PLEKHD1: variants seen among roughly 807,000 people sequenced by gnomAD.
PLEKHD1 encodes the protein pleckstrin homology domain-containing family D member 1.
In PLEKHD1, 51 loss-of-function variants were observed where a neutral mutation model predicts 69.2. The ratio of observed to expected loss-of-function variants is 0.74; its 90% CI spans 0.59 to 0.93. The LOEUF (loss-of-function observed/expected upper bound fraction) is 0.93, where lower values mean the gene tolerates loss of function less well. Among genes scored for constraint, PLEKHD1 ranks in the 40% least tolerant of loss-of-function variants. The pLI is 0.00. For missense variants in PLEKHD1, 584 were observed against 641.0 expected, an observed-to-expected ratio of 0.91 and a Z score of 0.96; for synonymous variants, 236 against 244.7, an observed-to-expected ratio of 0.96 and a Z score of 0.33.
chr14:69,471,199 G>A, the PLEKHD1 span, among the ~76,000 whole-genome samples: 24 of 143,552 alleles, frequency 1.7e-4, 1 homozygote, highest in Non-Finnish European at 3.6e-4. Flanking sequence ...CCTCTACTCC[G>A]GGCTCAAGCA....
At chr14:69,488,123 A>C (rs886906038) in intron 1 of PLEKHD1, among the ~76,000 whole-genome samples, 3 of 152,148 alleles carry the variant, frequency 2.0e-5, no homozygotes, top group Admixed American at 6.5e-5. Context: ...TGGGTCCCTG[A>C]CTTAGGGAGC....
chr14:69,501,089 G>T (rs2139505938), intron 4 of PLEKHD1, 142 bp downstream of exon 4: 1 of 846,778 alleles, frequency 1.2e-6, no homozygotes, highest in East Asian at 2.7e-5. Context: ...GGGGAGAGCA[G>T]ACAGGCCAGG....
At chr14:69,499,714 G>A (rs1235838689) in intron 1 of PLEKHD1, among the ~76,000 whole-genome samples, 2 of 152,224 alleles carry the variant, frequency 1.3e-5, no homozygotes, top group East Asian at 3.8e-4. Flanking sequence ...ACCCATCTTA[G>A]CATCTTGCAT....
intron 1 of PLEKHD1, among the ~76,000 whole-genome samples, chr14:69,490,374 G>A (rs1008274486): frequency 2.0e-5 from 3 of 152,202 alleles, no homozygotes; most frequent in African/African-American, 7.2e-5. Context: ...CCGCTGATCT[G>A]ACAGGAGGCG....
rs1362220842 is a variant in PLEKHD1 at position 69,485,121 on chromosome 14, G to T, written c.149+7G>T. The T allele has an allele frequency of 1.3e-6, 2 of 1,547,330 alleles. No individual in the cohort carries two copies. Among genetic ancestry groups the T allele is most frequent in the Non-Finnish European group, 1.7e-6 (2 of 1,145,086 alleles). ...CGGCCAAGTGGTCCCGGCGGTGAGT[G>T]CGCCCCCGCGCCCCAAGGAGACCGC... On this transcript the variant is annotated splice_region_variant and intron_variant, in intron 1 of 12. Coordinates refer to ENST00000322564, the MANE Select transcript of PLEKHD1 (RefSeq NM_001161498.2).
intron 9 of PLEKHD1, 44 bp downstream of exon 9, chr14:69,526,166 C>T (rs1436001643): frequency 1.3e-6 from 2 of 1,498,594 alleles, no homozygotes; most frequent in South Asian, 2.6e-5. Context: ...ACTTTGGGGT[C>T]TGGGGACTTT....
chr14:69,475,871 G>A, the PLEKHD1 span, among the ~76,000 whole-genome samples: 1 of 152,140 alleles, frequency 6.6e-6, no homozygotes, highest in African/African-American at 2.4e-5. Flanking sequence ...CCAGTCCTGC[G>A]CAGGTAGAGG....
At chr14:69,517,938 G>A (rs1883420820) in intron 6 of PLEKHD1, among the ~76,000 whole-genome samples, 1 of 152,066 alleles carries the variant, frequency 6.6e-6, no homozygotes, top group Non-Finnish European at 1.5e-5. Context: ...ACTCTAATGT[G>A]TCTGATTATT....
rs755999190 is a variant in PLEKHD1 at position 69,526,000 on chromosome 14, C to T, written c.801C>T (p.His267=). 9.0e-6 allele frequency: 14 copies of T among 1,551,712 alleles called. No individual in the cohort carries two copies. Among genetic ancestry groups the T allele is most frequent in the Non-Finnish European group, 8.7e-7 (1 of 1,146,998 alleles). The stretch of plus-strand genomic sequence containing the variant: ...AAATGCTGGAGGAGAACGAGAACCA[C>T]CTGCAGACACTGGCCAATCAGAGTG... The part of the protein sequence containing the change: ...TLEMLEENEN[H]LQTLANQSEQ... Residue 267 remains histidine, a synonymous_variant, in exon 9 of 13, where the codon CAC becomes CAT. Coordinates refer to ENST00000322564, the MANE Select transcript of PLEKHD1 (RefSeq NM_001161498.2).
chr14:69,496,574 GGAGGC>G (rs1882892478), intron 1 of PLEKHD1, among the ~76,000 whole-genome samples: 3 of 152,076 alleles, frequency 2.0e-5, no homozygotes, highest in Non-Finnish European at 2.9e-5. Context: ...CACCCAGGCT[GGAGGC>G]CACCCTGGAG....
chr14:69,528,256 C>G lies in PLEKHD1; in HGVS notation c.1358C>G (p.Pro453Arg). The change falls in exon 13 of 13, where the codon CCG (proline) becomes CGG (arginine). Residue 453 changes from proline (P) to arginine (R), a missense_variant. By Grantham distance (103) the Pro-to-Arg change is moderately radical (BLOSUM62 -2). Transcript: ENST00000322564. ...TGGGCTCCTGTTTCCCCAGTGAAGC[C>G]GTCCCAGTCCTTCATGACCTCCCAG... ...RSSTSWNDMK[P>R]SQSFMTSQLD... 1.3e-6 allele frequency: 2 copies of G among 1,551,630 alleles called. No homozygotes were observed. The highest frequency in any genetic ancestry group is 1.7e-6 in the Non-Finnish European group (2 of 1,146,980).
chr14:69,528,592 C>A lies in PLEKHD1; in HGVS notation c.*173C>A. The A allele has an allele frequency of 2.3e-6, 2 of 883,566 alleles. No individual in the cohort carries two copies. The highest frequency in any genetic ancestry group is 3.4e-6 in the Non-Finnish European group (2 of 596,284). The allele number at this position is 883,566 out of a possible 1,614,324, so 54.7% of individuals were successfully genotyped here. Reference sequence around the variant, plus strand: ...GCCTTGCCCTCAAAGGACATGGACGCTGCCTTCCTCATCCTCACCCCACAC... The same window carrying A: ...GCCTTGCCCTCAAAGGACATGGACGATGCCTTCCTCATCCTCACCCCACAC... On this transcript the variant is annotated 3_prime_UTR_variant, in exon 13 of 13. Transcript: ENST00000322564.
the PLEKHD1 span, among the ~76,000 whole-genome samples, chr14:69,477,427 T>A: frequency 6.6e-6 from 1 of 152,128 alleles, no homozygotes; most frequent in Admixed American, 6.5e-5. Flanking sequence ...TGTACTCACA[T>A]TTCAAAACCA....
At chr14:69,525,827 G>C (rs868594526) in intron 8 of PLEKHD1, 117 bp from the exon 9 acceptor site, 1 of 942,068 alleles carries the variant, frequency 1.1e-6, no homozygotes, top group Non-Finnish European at 1.6e-6. Context: ...ACATTTCAGC[G>C]GCCATAGAGG....
At chr14:69,513,239 TAAAATAATAA>T (rs1883309765) in intron 6 of PLEKHD1, among the ~76,000 whole-genome samples, 2 of 149,728 alleles carry the variant, frequency 1.3e-5, no homozygotes, top group East Asian at 3.9e-4. Context: ...TAAAATAAAA[TAAAATAATAA>T]AATAAAATAA....
chr14:69,477,819 C>T, the PLEKHD1 span, among the ~76,000 whole-genome samples: 2 of 152,228 alleles, frequency 1.3e-5, no homozygotes. Flanking sequence ...GTACAGCCCC[C>T]CTCCTGGCTG....
At position 69,526,770 on chromosome 14, in the gene PLEKHD1, C is replaced by T; in HGVS notation, c.997C>T (p.Leu333=). ...GTTCTACTCCAGCCAGTCCCAGGCA[C>T]TGCAGAACTCGCTGCAGGAGCTGAC... ...REFYSSQSQA[L]QNSLQELTAE... is the part of the protein sequence containing the mutation. Residue 333 remains leucine (L), a synonymous_variant, in exon 10 of 13, where the codon CTG becomes TTG. Transcript: ENST00000322564. The T allele has an allele frequency of 6.4e-7, 1 of 1,550,672 alleles. No individual in the cohort carries two copies. Among genetic ancestry groups the T allele is most frequent in the Non-Finnish European group, 8.7e-7 (1 of 1,146,616 alleles).
At chr14:69,486,326 A>G (rs1268626032) in intron 1 of PLEKHD1, among the ~76,000 whole-genome samples, 1 of 152,178 alleles carries the variant, frequency 6.6e-6, no homozygotes, top group South Asian at 2.1e-4. Context: ...AGTAGCTCAC[A>G]TTTTATATCT....
intron 4 of PLEKHD1, chr14:69,501,175 A>AC: frequency 1.7e-6 from 1 of 579,964 alleles, no homozygotes; most frequent in Non-Finnish European, 3.1e-6. Context: ...TGTGGGTACC[A>AC]TTTGTCTCCA....
Sources: gnomAD v4.1 joint callset for allele counts (sites outside exome capture counted in the v4.1 genomes callset) on GRCh38, gnomAD v4.1.1 for gene constraint, MANE v1.5 for transcripts, NCBI Gene and HGNC (gene_info 2026-07-23, HGNC 2026-07-21) for gene names.